The following APOLD1 variants were observed in gnomAD, a reference collection of about 807,000 sequenced individuals.
The protein encoded by APOLD1 is apolipoprotein L domain-containing protein 1.
Under a neutral mutation model 15.3 loss-of-function variants are expected in APOLD1, and 22 were observed. The observed-to-expected ratio is 1.44, with a 90% confidence interval of 1.03 to 2.05. APOLD1 has a LOEUF of 2.05. Ranked by LOEUF, APOLD1 falls within the 30% of genes most tolerant of loss-of-function variation. The pLI is 0.00. For synonymous variants in APOLD1, 190 were observed against 167.4 expected (o/e 1.13, Z -1.04); for missense variants, 394 against 353.5 (o/e 1.11, Z -0.92).
chr12:12,772,552 T>A (rs1946997207), intron 1 of APOLD1, among the ~76,000 whole-genome samples: 1 of 152,118 alleles, frequency 6.6e-6, no homozygotes, highest in African/African-American at 2.4e-5. Context: ...GACTTCAACA[T>A]CCCTCTCTCA....
Position 12,786,968 on chromosome 12 carries a change from G to A in APOLD1, c.63G>A (p.Gln21=), listed in dbSNP as rs946797334. ...GGCCCGACGCGCTGCGGCGCTTCCA[G>A]GGACTGCTGCTGGACCGCCGAGGCC... ...PHGPDALRRF[Q]GLLLDRRGRL... Residue 21 remains glutamine, a synonymous_variant, in exon 2 of 2, where the codon CAG becomes CAA. Coordinates refer to ENST00000356591, the MANE Select transcript of APOLD1 (RefSeq NM_030817.3). 8 of 1,458,816 alleles carry A rather than the reference G, an allele frequency of 5.5e-6. No homozygotes were observed. Among genetic ancestry groups the A allele is most frequent in the Non-Finnish European group, 6.3e-6 (7 of 1,115,152 alleles). 90.4% of individuals were successfully genotyped at this position (1,458,816 alleles called of 1,614,324 possible).
intron 1 of APOLD1, among the ~76,000 whole-genome samples, chr12:12,750,643 T>C (rs1946805921): frequency 6.6e-6 from 1 of 152,138 alleles, no homozygotes; most frequent in African/African-American, 2.4e-5. Flanking sequence ...CGCATATTAT[T>C]GGAGTGTAGT....
At chr12:12,752,325 C>CT (rs1946818693) in intron 1 of APOLD1, among the ~76,000 whole-genome samples, 1 of 152,188 alleles carries the variant, frequency 6.6e-6, no homozygotes, top group Non-Finnish European at 1.5e-5. Flanking sequence ...GGGTAGGATG[C>CT]TACCCATATG....
intron 1 of APOLD1, among the ~76,000 whole-genome samples, chr12:12,729,517 C>G (rs1214443580): frequency 6.6e-6 from 1 of 151,942 alleles, no homozygotes; most frequent in Non-Finnish European, 1.5e-5. Flanking sequence ...GCCTTGGTCT[C>G]CAAAAGTGTT....
intron 1 of APOLD1, among the ~76,000 whole-genome samples, chr12:12,763,527 A>T (rs1946919389): frequency 6.6e-6 from 1 of 152,148 alleles, no homozygotes; most frequent in Admixed American, 6.6e-5. Flanking sequence ...GGGGGGGGAA[A>T]ACAATACAAC....
intron 1 of APOLD1, among the ~76,000 whole-genome samples, chr12:12,767,699 TA>T (rs1370851604): frequency 6.6e-6 from 1 of 152,080 alleles, no homozygotes; most frequent in Non-Finnish European, 1.5e-5. Flanking sequence ...AACAACTATT[TA>T]CATAGCACTT....
At chr12:12,777,615 T>G (rs1947046107) in intron 1 of APOLD1, among the ~76,000 whole-genome samples, 1 of 152,172 alleles carries the variant, frequency 6.6e-6, no homozygotes, top group Non-Finnish European at 1.5e-5. Context: ...CATCCCTAAT[T>G]AAAAAATCTG....
intron 1 of APOLD1, among the ~76,000 whole-genome samples, chr12:12,756,535 CAT>C (rs147260253): frequency 1.3e-3 from 199 of 152,234 alleles, no homozygotes; most frequent in African/African-American, 4.5e-3. Flanking sequence ...GTAAACATAA[CAT>C]AAATTTATTA....
At chr12:12,773,668 A>G (rs1947005174) in intron 1 of APOLD1, among the ~76,000 whole-genome samples, 1 of 152,236 alleles carries the variant, frequency 6.6e-6, no homozygotes, top group African/African-American at 2.4e-5. Context: ...AATAAAATCA[A>G]TGAACCTCTT....
intron 1 of APOLD1, 110 bp from the exon 2 acceptor site, chr12:12,786,799 T>C (rs1296605105): frequency 9.2e-6 from 12 of 1,307,054 alleles, no homozygotes; most frequent in Non-Finnish European, 1.1e-5. Flanking sequence ...AGCGTGGCAG[T>C]GGCTGCTCCG....
Position 12,787,381 on chromosome 12 carries a change from C to T in APOLD1, c.476C>T (p.Ala159Val), listed in dbSNP as rs145235534. The T allele has an allele frequency of 2.3e-4, 370 of 1,614,052 alleles. No homozygotes were observed. The highest frequency in any genetic ancestry group is 1.9e-4 in the Non-Finnish European group (224 of 1,180,048). ...CAGCTGCTGCAGTGCGGGAGGAACG[C>T]CTCCATCGCCCTGTACAATTCTGTC... The part of the protein sequence containing the change: ...DRQLLQCGRN[A>V]SIALYNSVYF... The change falls in exon 2 of 2, where the codon GCC (alanine) becomes GTC (valine). Residue 159 changes from alanine to valine, a missense_variant. Physicochemically the swap from Ala to Val is moderately conservative, Grantham distance 64. Transcript: ENST00000356591. This position sits in a 1 kb window ranked among gnomAD's most constrained non-coding sequence, Gnocchi z 4.9.
intron 1 of APOLD1, among the ~76,000 whole-genome samples, chr12:12,735,581 C>T (rs1165913894): frequency 6.6e-6 from 1 of 151,952 alleles, no homozygotes; most frequent in Non-Finnish European, 1.5e-5. Context: ...CTTTTTAAGC[C>T]ACATTAGGAA....
At chr12:12,736,627 G>A (rs116602934) in intron 1 of APOLD1, among the ~76,000 whole-genome samples, 3,004 of 152,286 alleles carry the variant, frequency 0.02, 121 homozygotes, top group African/African-American at 0.068. Context: ...GAAATCCTTA[G>A]TCTTATGTTG....
At chr12:12,786,804 G>A in intron 1 of APOLD1, 105 bp from the exon 2 acceptor site, 1 of 1,310,224 alleles carries the variant, frequency 7.6e-7, no homozygotes, top group Non-Finnish European at 9.7e-7. Flanking sequence ...GGCAGTGGCT[G>A]CTCCGCTGAA....
rs530047596 is a variant in APOLD1, at chr12:12,746,253, C to T, written c.96+20157C>T. ...GCTCACGCCTGTAATCCCAGCACTT[C>T]GGGAAGCCGAGGCGGGTGGGTCACC... On this transcript the variant is annotated intron_variant, in intron 1 of 1. Coordinates refer to the APOLD1 transcript ENST00000326765. 1.7e-4 allele frequency among the ~76,000 whole-genome samples: 26 copies of T among 152,278 alleles called. No individual in the cohort carries two copies. In the East Asian group the frequency reaches 3.3e-3, roughly 19 times the overall value.
intron 1 of APOLD1, among the ~76,000 whole-genome samples, chr12:12,730,079 A>T (rs75579467): frequency 6.1e-4 from 35 of 57,240 alleles, no homozygotes; most frequent in South Asian, 2.0e-3. Flanking sequence ...TGTGTGTGTG[A>T]GAGAGAGAGA....
chr12:12,762,070 T>G (rs1407824930), intron 1 of APOLD1, among the ~76,000 whole-genome samples: 1 of 152,022 alleles, frequency 6.6e-6, no homozygotes, highest in Non-Finnish European at 1.5e-5. Flanking sequence ...AATGAAGACA[T>G]TTTTAAGGAA....
chr12:12,767,115 G>A (rs1256600735), intron 1 of APOLD1, among the ~76,000 whole-genome samples: 1 of 150,662 alleles, frequency 6.6e-6, no homozygotes, highest in African/African-American at 2.4e-5. Flanking sequence ...GTGTGGTGGT[G>A]CATGCCTATA....
At chr12:12,735,798 T>TA (rs1946680552) in intron 1 of APOLD1, among the ~76,000 whole-genome samples, 1 of 151,868 alleles carries the variant, frequency 6.6e-6, no homozygotes, top group African/African-American at 2.4e-5. Context: ...AATAAATAAA[T>TA]AAGCCAGGCA....
Sources: allele counts gnomAD v4.1 joint callset (sites outside exome capture counted in the v4.1 genomes callset), GRCh38; gene constraint gnomAD v4.1.1; non-coding constraint Gnocchi (gnomAD v3.1); transcripts MANE v1.5; gene names NCBI Gene and HGNC (gene_info 2026-07-23, HGNC 2026-07-21).